The following LRRFIP2 variants were observed in gnomAD, a reference collection of about 807,000 sequenced individuals.
The protein encoded by LRRFIP2 is leucine-rich repeat flightless-interacting protein 2.
A neutral mutation model predicts 125.9 loss-of-function variants in LRRFIP2; 109 were observed. The ratio of observed to expected loss-of-function variants is 0.87; its 90% CI spans 0.74 to 1.01. LRRFIP2 has a LOEUF of 1.01. Among genes scored for constraint, LRRFIP2 ranks in the 50% least tolerant of loss-of-function variants. The pLI is 0.00. For synonymous variants in LRRFIP2, 291 were observed against 293.1 expected, an observed-to-expected ratio of 0.99 and a Z score of 0.07; for missense variants, 850 against 862.3, an observed-to-expected ratio of 0.99 and a Z score of 0.18.
intron 8 of LRRFIP2, 33 bp from the exon 9 acceptor site, chr3:37,111,098 A>G (rs1490475981): frequency 2.6e-5 from 41 of 1,576,876 alleles, no homozygotes; most frequent in Non-Finnish European, 3.4e-5. Context: ...CATTTTTCTT[A>G]GGCTAAATGT....
rs769480792 is a variant in LRRFIP2 at position 37,058,854 on chromosome 3, A to T, written c.1806T>A (p.Asp602Glu). The change falls in exon 25 of 28, where the codon GAT becomes GAA. Residue 602 changes from aspartate to glutamate, a missense_variant. Transcript: ENST00000336686. ...GTCCTGCCAGGTCACCCACTGTGCC[A>T]TCATTCCTGGAGCATTTCTGTCGTT... ...EEERQKCSRN[D>E]GTVGDLAGLQ... 6.2e-7 allele frequency: 1 copy of T among 1,614,036 alleles called. No homozygotes were observed. Among genetic ancestry groups the T allele is most frequent in the Non-Finnish European group, 8.5e-7 (1 of 1,179,964 alleles).
intron 3 of LRRFIP2, 81 bp downstream of exon 3, chr3:37,128,982 C>G: frequency 1.6e-6 from 2 of 1,248,078 alleles, no homozygotes; most frequent in South Asian, 2.5e-5. Flanking sequence ...CAAAGGAAAC[C>G]AGATTCACAT....
chr3:37,159,989 CAAAAAAAAAAAAAAA>C lies in LRRFIP2; in HGVS notation c.-55-10966_-55-10952del, dbSNP rs58005486. 3.0e-4 allele frequency among the ~76,000 whole-genome samples: 14 copies of C among 46,950 alleles called. No homozygotes were observed. The East Asian group carries it at 6.0e-3, about 20-fold the overall frequency. The allele number at this position is 46,950 out of a possible 152,430, so 30.8% of individuals were successfully genotyped here. On this transcript the variant is annotated intron_variant, in intron 1 of 27. Transcript: ENST00000336686. Reference sequence around the variant, plus strand: ...GAGCCCAATGAGTAAGCCCTATGCGCAAAAAAAAAAAAAAAAAAAAAAAAAAAAAAATTCACTTAA... The same window carrying C: ...GAGCCCAATGAGTAAGCCCTATGCGCAAAAAAAAAAAAAAAATTCACTTAA...
At chr3:37,123,891 T>C (rs1010002230) in intron 4 of LRRFIP2, among the ~76,000 whole-genome samples, 3 of 152,182 alleles carry the variant, frequency 2.0e-5, no homozygotes, top group East Asian at 1.9e-4. Context: ...CTTATATTAA[T>C]AAAAACAATT....
intron 16 of LRRFIP2, among the ~76,000 whole-genome samples, 194 bp downstream of exon 16, chr3:37,096,422 G>T (rs972388723): frequency 7.2e-5 from 11 of 152,172 alleles, no homozygotes; most frequent in Non-Finnish European, 1.6e-4. Context: ...GAAATAAAAT[G>T]CAGTGCCTCT....
rs146854937 is a variant in LRRFIP2, at chr3:37,172,390, C to T, written c.-56+2149G>A. ...AAATATGTGCTAAATACAAAAAGAT[C>T]TTCATATGCCAAAGATAAGAATGAA... On this transcript the variant is annotated intron_variant, in intron 1 of 27. Transcript: ENST00000336686. Among the ~76,000 whole-genome samples, 62 of 152,236 alleles carry T rather than the reference C, an allele frequency of 4.1e-4. No homozygotes were observed. In the East Asian group the frequency reaches 0.011, roughly 28 times the overall value.
At chr3:37,130,638 T>G (rs2095404565) in intron 2 of LRRFIP2, among the ~76,000 whole-genome samples, 1 of 152,210 alleles carries the variant, frequency 6.6e-6, no homozygotes, top group Non-Finnish European at 1.5e-5. Flanking sequence ...AGTAGTATGA[T>G]AAAATCTCTC....
intron 3 of LRRFIP2, among the ~76,000 whole-genome samples, chr3:37,127,913 C>CTTAT (rs1255788779): frequency 3.8e-4 from 58 of 152,102 alleles, no homozygotes; most frequent in East Asian, 2.1e-3. Flanking sequence ...GTCTCATTCA[C>CTTAT]TTATTTATTT....
At chr3:37,148,685 T>G (rs1175467670) in intron 2 of LRRFIP2, among the ~76,000 whole-genome samples, 5 of 152,272 alleles carry the variant, frequency 3.3e-5, no homozygotes, top group African/African-American at 7.2e-5. Flanking sequence ...AATGTGTTGT[T>G]CAGAGATTCA....
At position 37,055,159 on chromosome 3, in the gene LRRFIP2, G is replaced by C; in HGVS notation, c.1877C>G (p.Ala626Gly). Residue 626 changes from alanine to glycine, a missense_variant, in exon 26 of 28, where the codon GCC becomes GGC. Coordinates refer to ENST00000336686, the MANE Select transcript of LRRFIP2 (RefSeq NM_006309.4). ...DLQFIEMQRD[A>G]NRQISEYKFK... ...TTTGTATTCGCTAATTTGTCTATTG[G>C]CATCTCCTAGAACAGAAGAAGACAA... 1.3e-6 allele frequency: 2 copies of C among 1,584,770 alleles called. No homozygotes were observed. The highest frequency in any genetic ancestry group is 1.7e-6 in the Non-Finnish European group (2 of 1,166,158).
chr3:37,127,316 T>A lies in LRRFIP2; in HGVS notation c.228+314A>T, dbSNP rs146182427. On this transcript the variant is annotated intron_variant, in intron 4 of 27. Transcript: ENST00000336686. ...TTCAATGAAGACCATGTGGACTTAT[T>A]TTTTTAAAAAAAAAGGGGAGAGAGA... Among the ~76,000 whole-genome samples the A allele has an allele frequency of 3.6e-3, 540 of 152,072 alleles. 2 individuals carry two copies. The highest frequency in any genetic ancestry group is 0.012 in the African/African-American group (507 of 41,504).
At position 37,096,609 on chromosome 3, in the gene LRRFIP2, T is replaced by C; in HGVS notation, c.918+7A>G. ...TGAGAATTTCCCTTAGGAATTTACA[T>C]ACTCACTCTTGTATAATTTTCAGCA... On this transcript the variant is annotated splice_region_variant and intron_variant, in intron 16 of 27. Transcript: ENST00000336686. 1 of 1,524,956 alleles carries C rather than the reference T, an allele frequency of 6.6e-7. No individual in the cohort carries two copies. The allele number at this position is 1,524,956 out of a possible 1,614,324, so 94.5% of individuals were successfully genotyped here. A position where few individuals can be genotyped will look rare whatever the true frequency, so the allele number is the denominator to read the frequency against.
chr3:37,095,068 T>C (rs752533650), intron 16 of LRRFIP2, among the ~76,000 whole-genome samples, 160 bp from the exon 17 acceptor site: 1 of 152,188 alleles, frequency 6.6e-6, no homozygotes, highest in East Asian at 1.9e-4. Context: ...TTTGCAGGTA[T>C]CCAGGTATAC....
intron 15 of LRRFIP2, among the ~76,000 whole-genome samples, chr3:37,101,668 G>GAAAA (rs56878231): frequency 1.1e-4 from 14 of 127,906 alleles, no homozygotes; most frequent in Non-Finnish European, 1.1e-4. Context: ...CTGTCACCAA[G>GAAAA]AAAAAAAAAA....
At chr3:37,055,029 G>T in intron 26 of LRRFIP2, 57 bp downstream of exon 26, 1 of 1,145,962 alleles carries the variant, frequency 8.7e-7, no homozygotes, top group Non-Finnish European at 1.3e-6. Context: ...TGGGTTGTTA[G>T]CCACTTAGAT....
chr3:37,173,740 A>G (rs1332379268), intron 1 of LRRFIP2, among the ~76,000 whole-genome samples: 1 of 152,240 alleles, frequency 6.6e-6, no homozygotes, highest in East Asian at 1.9e-4. Flanking sequence ...GTTGCTTCTC[A>G]CACTAGGAAC....
At chr3:37,107,493 T>C (rs1259185346) in intron 13 of LRRFIP2, among the ~76,000 whole-genome samples, 5 of 152,330 alleles carry the variant, frequency 3.3e-5, no homozygotes, top group Non-Finnish European at 4.4e-5. Flanking sequence ...TGAAAGGTTA[T>C]TGAAGAACAG....
At chr3:37,160,310 C>T (rs978307635) in intron 1 of LRRFIP2, among the ~76,000 whole-genome samples, 11 of 152,088 alleles carry the variant, frequency 7.2e-5, no homozygotes, top group Non-Finnish European at 1.2e-4. Context: ...CAAAATTGAC[C>T]AACCCCACCT....
chr3:37,122,506 T>C (rs1295072889), intron 4 of LRRFIP2, among the ~76,000 whole-genome samples: 1 of 152,174 alleles, frequency 6.6e-6, no homozygotes, highest in African/African-American at 2.4e-5. Context: ...ATTGTGATCA[T>C]CAGTTTATGC....
Sources: gnomAD v4.1 joint callset for allele counts (sites outside exome capture counted in the v4.1 genomes callset) on GRCh38, gnomAD v4.1.1 for gene constraint, MANE v1.5 for transcripts, NCBI Gene and HGNC (gene_info 2026-07-23, HGNC 2026-07-21) for gene names.